Variants in TYW1 observed in about 807,000 individuals in gnomAD.
TYW1 encodes the protein tRNA-yW synthesizing protein 1 homolog, also known as S-adenosyl-L-methionine-dependent tRNA 4-demethylwyosine synthase TYW1.
A neutral mutation model predicts 96.2 loss-of-function variants in TYW1; 46 were observed. That is an observed-to-expected ratio of 0.48 (90% CI 0.38 to 0.61). The LOEUF (loss-of-function observed/expected upper bound fraction) is 0.61, where lower values mean the gene tolerates loss of function less well. Ranked by LOEUF, TYW1 falls within the 20% of genes least tolerant of loss-of-function variation. The pLI is 0.00. For synonymous variants in TYW1, 274 were observed against 323.0 expected, an observed-to-expected ratio of 0.85 and a Z score of 1.63; for missense variants, 684 against 909.6, an observed-to-expected ratio of 0.75 and a Z score of 3.19.
At chr7:67,169,748 C>T (rs1332554103) in intron 13 of TYW1, among the ~76,000 whole-genome samples, 4 of 152,146 alleles carry the variant, frequency 2.6e-5, no homozygotes, top group Non-Finnish European at 5.9e-5. Context: ...TGGATATGTA[C>T]TATATTTTCT....
At chr7:67,226,671 G>C (rs894547104) in intron 15 of TYW1, among the ~76,000 whole-genome samples, 2 of 152,152 alleles carry the variant, frequency 1.3e-5, no homozygotes, top group Non-Finnish European at 2.9e-5. Flanking sequence ...GGCTCTGTGT[G>C]AATTACTCTT....
chr7:67,182,404 A>T (rs1276619250), intron 13 of TYW1, among the ~76,000 whole-genome samples: 1 of 152,150 alleles, frequency 6.6e-6, no homozygotes, highest in African/African-American at 2.4e-5. Context: ...TCTCTAAAAA[A>T]ATTTTTAAAC....
chr7:67,105,084 G>A (rs34397684), intron 12 of TYW1, among the ~76,000 whole-genome samples: 2 of 152,222 alleles, frequency 1.3e-5, no homozygotes, highest in Admixed American at 1.3e-4. Flanking sequence ...AGAGCAGCGA[G>A]GGGGGCAAGC....
At chr7:67,220,438 C>T (rs1320995588) in intron 15 of TYW1, among the ~76,000 whole-genome samples, 9 of 151,998 alleles carry the variant, frequency 5.9e-5, no homozygotes, top group African/African-American at 9.7e-5. Flanking sequence ...CTCCTGACCT[C>T]GTGATCCGCC....
intron 9 of TYW1, among the ~76,000 whole-genome samples, chr7:67,062,186 G>A (rs1352991011): frequency 6.6e-6 from 1 of 151,934 alleles, no homozygotes; most frequent in South Asian, 2.1e-4. Context: ...TGAGGTGGGC[G>A]GATCATGAGG....
intron 8 of TYW1, among the ~76,000 whole-genome samples, chr7:67,054,825 T>C (rs1795459090): frequency 6.6e-6 from 1 of 152,246 alleles, no homozygotes; most frequent in Non-Finnish European, 1.5e-5. Context: ...TTTGTACTAC[T>C]AGTTTGTTTA....
chr7:67,009,008 T>A (rs1329264858), intron 3 of TYW1, among the ~76,000 whole-genome samples: 2 of 152,134 alleles, frequency 1.3e-5, no homozygotes, highest in Non-Finnish European at 2.9e-5. Context: ...TATTGTTTTT[T>A]AATATGTTAT....
intron 10 of TYW1, among the ~76,000 whole-genome samples, chr7:67,077,426 C>A (rs1382570713): frequency 6.6e-6 from 1 of 152,148 alleles, no homozygotes; most frequent in Non-Finnish European, 1.5e-5. Flanking sequence ...TGATAATAGT[C>A]ATTTTAACTT....
intron 11 of TYW1, among the ~76,000 whole-genome samples, chr7:67,087,474 C>T (rs1796582428): frequency 6.6e-6 from 1 of 152,148 alleles, no homozygotes; most frequent in African/African-American, 2.4e-5. Context: ...CCTGAGTAGG[C>T]ATTAGAATGC....
At chr7:67,204,335 T>C (rs28860910) in intron 15 of TYW1, among the ~76,000 whole-genome samples, 38,219 of 152,118 alleles carry the variant, frequency 0.25, 4,987 homozygotes, top group African/African-American at 0.3. Context: ...GTTCTAACTT[T>C]AGATTGATTC....
At chr7:67,131,985 C>T (rs954137135) in intron 13 of TYW1, among the ~76,000 whole-genome samples, 1 of 152,158 alleles carries the variant, frequency 6.6e-6, no homozygotes, top group Non-Finnish European at 1.5e-5. Context: ...TAGATGGTGC[C>T]CACCCAGATT....
At chr7:67,221,272 CAA>C (rs1213309978) in intron 15 of TYW1, among the ~76,000 whole-genome samples, 2 of 152,074 alleles carry the variant, frequency 1.3e-5, no homozygotes, top group African/African-American at 4.8e-5. Flanking sequence ...CTTTTTAATT[CAA>C]AGTCTTATTT....
At chr7:67,042,675 G>A (rs893821896) in intron 7 of TYW1, among the ~76,000 whole-genome samples, 2 of 152,036 alleles carry the variant, frequency 1.3e-5, no homozygotes, top group African/African-American at 4.8e-5. Context: ...GCGGGTGTGG[G>A]GAGAGAGGAG....
intron 12 of TYW1, among the ~76,000 whole-genome samples, chr7:67,115,240 CTTTTTTT>C (rs61078524): frequency 7.4e-6 from 1 of 134,880 alleles, no homozygotes; most frequent in African/African-American, 2.7e-5. Context: ...TAAGACAGTC[CTTTTTTT>C]TTTTTTTTTT....
chr7:67,019,934 A>G (rs1047321005), intron 6 of TYW1, among the ~76,000 whole-genome samples: 1 of 152,296 alleles, frequency 6.6e-6, no homozygotes, highest in Non-Finnish European at 1.5e-5. Context: ...TCAAGCCCAC[A>G]GAGCAGATGG....
At chr7:67,042,647 G>A (rs1442461217) in intron 7 of TYW1, among the ~76,000 whole-genome samples, 2 of 152,104 alleles carry the variant, frequency 1.3e-5, no homozygotes, top group African/African-American at 2.4e-5. Context: ...TGATTTGATT[G>A]AATTGGAGAA....
chr7:67,030,904 A>G (rs1254241627), intron 7 of TYW1, among the ~76,000 whole-genome samples: 1 of 151,356 alleles, frequency 6.6e-6, no homozygotes, highest in Admixed American at 6.6e-5. Flanking sequence ...CATCAAATTA[A>G]AAAAAAAATT....
intron 13 of TYW1, among the ~76,000 whole-genome samples, chr7:67,140,756 C>T (rs2687020): frequency 6.6e-6 from 1 of 152,092 alleles, no homozygotes; most frequent in Non-Finnish European, 1.5e-5. Context: ...CTAGTAATTT[C>T]CCCTGAGACA....
At chr7:67,089,633 C>T (rs1796653664) in intron 11 of TYW1, among the ~76,000 whole-genome samples, 2 of 152,108 alleles carry the variant, frequency 1.3e-5, no homozygotes, top group African/African-American at 4.8e-5. Context: ...TCTGAGTTCC[C>T]CAACTGGAGC....
Sources: allele counts gnomAD v4.1 joint callset (sites outside exome capture counted in the v4.1 genomes callset), GRCh38; gene constraint gnomAD v4.1.1; transcripts MANE v1.5; gene names NCBI Gene and HGNC (gene_info 2026-07-23, HGNC 2026-07-21).